The following IL4 variants were observed in gnomAD, a reference collection of about 807,000 sequenced individuals.
IL4 encodes interleukin-4.
A neutral mutation model predicts 17.4 loss-of-function variants in IL4; 10 were observed. The ratio of observed to expected loss-of-function variants is 0.57; its 90% CI spans 0.35 to 0.97. IL4 has a LOEUF of 0.97. Ranked by LOEUF, IL4 falls within the 50% of genes least tolerant of loss-of-function variation. IL4 has a pLI of 0.01. For synonymous variants in IL4, 87 were observed against 79.0 expected, an observed-to-expected ratio of 1.10 and a Z score of -0.54; for missense variants, 174 against 187.7, an observed-to-expected ratio of 0.93 and a Z score of 0.43.
chr5:132,675,903 G>GTATATA (rs2149879449), intron 2 of IL4, among the ~76,000 whole-genome samples: 1 of 131,592 alleles, frequency 7.6e-6, no homozygotes, highest in East Asian at 2.4e-4. Flanking sequence ...GTATATATAT[G>GTATATA]TGTGTATGTA....
At chr5:132,674,260 A>T in intron 1 of IL4, 75 bp downstream of exon 1, 1 of 1,553,364 alleles carries the variant, frequency 6.4e-7, no homozygotes, top group Non-Finnish European at 8.9e-7. Context: ...GAAAACGTTA[A>T]CAGCTGCTAG....
chr5:132,676,158 G>C (rs528567838), intron 2 of IL4, among the ~76,000 whole-genome samples: 1 of 152,216 alleles, frequency 6.6e-6, no homozygotes, highest in East Asian at 1.9e-4. Flanking sequence ...TGTGGTTTTA[G>C]ACCCAGCTCT....
intron 3 of IL4, 105 bp downstream of exon 3, chr5:132,679,995 T>C (rs1218129508): frequency 5.5e-6 from 5 of 902,866 alleles, no homozygotes; most frequent in Non-Finnish European, 8.3e-6. Context: ...GGTCAACCCA[T>C]TCATTCATTC....
intron 2 of IL4, among the ~76,000 whole-genome samples, chr5:132,675,049 G>A (rs1026171076): frequency 5.3e-5 from 8 of 152,022 alleles, no homozygotes; most frequent in African/African-American, 1.4e-4. Flanking sequence ...TGCTCTGGCC[G>A]GCCGAACTCC....
chr5:132,676,839 T>A (rs1441544564), intron 2 of IL4, among the ~76,000 whole-genome samples: 2 of 152,220 alleles, frequency 1.3e-5, no homozygotes, highest in Non-Finnish European at 2.9e-5. Context: ...AACAAGAATT[T>A]TAGTATCTCT....
chr5:132,675,724 T>C (rs192556141), intron 2 of IL4, among the ~76,000 whole-genome samples: 1 of 152,018 alleles, frequency 6.6e-6, no homozygotes, highest in African/African-American at 2.4e-5. Context: ...AATTTTTGTA[T>C]TTTTTTGTAG....
chr5:132,674,407 C>A (rs911335183), intron 1 of IL4, 52 bp from the exon 2 acceptor site: 3 of 1,569,274 alleles, frequency 1.9e-6, no homozygotes, highest in South Asian at 1.1e-5. Context: ...ACTTCTCTGT[C>A]CGGTTGGAGG....
intron 3 of IL4, among the ~76,000 whole-genome samples, chr5:132,681,951 G>C (rs1268605089): frequency 2.6e-5 from 4 of 152,144 alleles, no homozygotes; most frequent in Non-Finnish European, 4.4e-5. Context: ...AAATTAAGTA[G>C]TACATCCTAA....
intron 3 of IL4, among the ~76,000 whole-genome samples, chr5:132,682,248 C>T (rs904767007): frequency 3.3e-5 from 5 of 152,058 alleles, no homozygotes; most frequent in Non-Finnish European, 5.9e-5. Flanking sequence ...GCGCCACCCA[C>T]CCCAAAAGCA....
Position 132,679,897 on chromosome 5 carries a change from T to C in IL4, c.360+7T>C. ...CTGGGGCCTGGCGGGCTTGGTAAGC[T>C]GCACTGTATTCCTGGCAAGCCGGCC... On this transcript the variant is annotated splice_region_variant and intron_variant, in intron 3 of 3. Transcript: ENST00000231449. The C allele has an allele frequency of 6.2e-7, 1 of 1,607,004 alleles. No individual in the cohort carries two copies. The highest frequency in any genetic ancestry group is 8.5e-7 in the Non-Finnish European group (1 of 1,176,434).
Position 132,679,229 on chromosome 5 carries a change from T to C in IL4, c.184-485T>C, listed in dbSNP as rs2243275. On this transcript the variant is annotated intron_variant, in intron 2 of 3. Transcript: ENST00000231449. ...GTTCAGGCCAAAGGATGTGCACTCATTTATTCAACAGGCATGCAGGATTTC... is the reference window on the plus strand; with the variant it reads ...GTTCAGGCCAAAGGATGTGCACTCACTTATTCAACAGGCATGCAGGATTTC... 2.9e-3 allele frequency among the ~76,000 whole-genome samples: 435 copies of C among 152,312 alleles called. 1 individual carries two copies. The highest frequency in any genetic ancestry group is 0.01 in the African/African-American group (419 of 41,568).
intron 2 of IL4, among the ~76,000 whole-genome samples, chr5:132,676,900 C>G (rs975678627): frequency 2.0e-5 from 3 of 152,134 alleles, no homozygotes; most frequent in Non-Finnish European, 4.4e-5. Context: ...AGGCACTGGT[C>G]TAGGTCCTGG....
At chr5:132,681,625 G>A (rs1752489826) in intron 3 of IL4, among the ~76,000 whole-genome samples, 1 of 152,196 alleles carries the variant, frequency 6.6e-6, no homozygotes, top group South Asian at 2.1e-4. Context: ...GCATGTTAAT[G>A]CACCTGGGGG....
chr5:132,682,061 G>A (rs535903313), intron 3 of IL4, among the ~76,000 whole-genome samples: 39 of 152,200 alleles, frequency 2.6e-4, no homozygotes, highest in South Asian at 6.2e-4. Flanking sequence ...GCTGTGCTGC[G>A]GTGCTGCTGT....
chr5:132,674,204 C>T lies in IL4; in HGVS notation c.135+19C>T, dbSNP rs1752336714. ...GCAGAAGGTGAGTACCTATCTGGCA[C>T]CATCTCTCCAGATGTTCTGGTGATG... On this transcript the variant is annotated intron_variant, in intron 1 of 3. Transcript: ENST00000231449. 6.2e-7 allele frequency: 1 copy of T among 1,611,558 alleles called. No individual in the cohort carries two copies. Among genetic ancestry groups the T allele is most frequent in the Middle Eastern group, 1.7e-4 (1 of 6,042 alleles).
chr5:132,682,240 G>A (rs574117180), intron 3 of IL4, among the ~76,000 whole-genome samples: 36 of 151,298 alleles, frequency 2.4e-4, no homozygotes, highest in Admixed American at 2.6e-4. Context: ...TCCCCCCCGC[G>A]CCACCCACCC....
At chr5:132,681,469 A>G (rs943250018) in intron 3 of IL4, among the ~76,000 whole-genome samples, 8 of 152,180 alleles carry the variant, frequency 5.3e-5, no homozygotes, top group African/African-American at 1.9e-4. Context: ...CACCGAGGAT[A>G]GGGTGGCGAG....
Position 132,682,492 on chromosome 5 carries a change from T to C in IL4, c.367T>C (p.Cys123Arg), listed in dbSNP as rs376367511. 6.3e-7 allele frequency: 1 copy of C among 1,591,682 alleles called. No individual in the cohort carries two copies. Among genetic ancestry groups the C allele is most frequent in the Non-Finnish European group, 8.6e-7 (1 of 1,160,568 alleles). Residue 123 changes from cysteine (C) to arginine (R), a missense_variant, in exon 4 of 4, where the codon TGT becomes CGT. Cys to Arg is a radical substitution (Grantham distance 180). Transcript: ENST00000231449. ...TGAAATGTTTCTTTTGCAGAATTCCTGTCCTGTGAAGGAAGCCAACCAGAG... is the reference window on the plus strand; with the variant it reads ...TGAAATGTTTCTTTTGCAGAATTCCCGTCCTGTGAAGGAAGCCAACCAGAG... ...NLWGLAGLNS[C>R]PVKEANQSTL...
At position 132,674,129 on chromosome 5, in the gene IL4, T is replaced by C. The variant is rs4986964; in HGVS notation, c.79T>C (p.Cys27Arg). ...CAGNFVHGHK[C>R]DITLQEIIKT... ...CGGCAACTTTGTCCACGGACACAAG[T>C]GCGATATCACCTTACAGGAGATCAT... Residue 27 changes from cysteine to arginine, a missense_variant, in exon 1 of 4, where the codon TGC becomes CGC. Cys to Arg is a radical substitution (Grantham distance 180). Transcript: ENST00000231449. The C allele has an allele frequency of 6.2e-7, 1 of 1,614,178 alleles. No individual in the cohort carries two copies. Among genetic ancestry groups the C allele is most frequent in the African/African-American group, 1.3e-5 (1 of 75,054 alleles).
Sources: gnomAD v4.1 joint callset for allele counts (sites outside exome capture counted in the v4.1 genomes callset) on GRCh38, gnomAD v4.1.1 for gene constraint, MANE v1.5 for transcripts, NCBI Gene and HGNC (gene_info 2026-07-23, HGNC 2026-07-21) for gene names.